Variants in EDA observed in about 807,000 individuals in gnomAD.
EDA encodes the protein ectodysplasin-A.
A neutral mutation model predicts 23.6 loss-of-function variants in EDA; 2 were observed. That is an observed-to-expected ratio of 0.08 (90% confidence interval 0.03 to 0.27). EDA has a LOEUF of 0.27. Ranked by LOEUF, EDA falls within the 10% of genes least tolerant of loss-of-function variation. EDA has a pLI of 1.00. For missense variants in EDA, 229 were observed against 324.2 expected (o/e 0.71, Z 2.26); for synonymous variants, 131 against 132.0 (o/e 0.99, Z 0.05).
intron 1 of EDA, among the ~76,000 whole-genome samples, chrX:69,791,955 A>G (rs1435246937): frequency 1.8e-5 from 2 of 112,197 alleles, no homozygotes; most frequent in East Asian, 5.6e-4. Context: ...ATTGTATTTT[A>G]AAAATTTTTC....
intron 2 of EDA, among the ~76,000 whole-genome samples, chrX:69,997,605 A>G (rs1188236943): frequency 1.8e-5 from 2 of 113,003 alleles, no homozygotes; most frequent in African/African-American, 6.4e-5. Flanking sequence ...TTAATCCCCA[A>G]GACAATGGGG....
At chrX:69,743,241 G>A (rs1813796636) in intron 1 of EDA, among the ~76,000 whole-genome samples, 1 of 111,575 alleles carries the variant, frequency 9.0e-6, no homozygotes, top group South Asian at 3.8e-4. Flanking sequence ...TGCCGCCGTT[G>A]CTACTACTAC....
chrX:69,782,964 A>G (rs1485303317), intron 1 of EDA, among the ~76,000 whole-genome samples: 2 of 111,564 alleles, frequency 1.8e-5, no homozygotes, highest in Non-Finnish European at 3.8e-5. Context: ...TCAACAAACT[A>G]TTTTCTATGG....
Position 69,616,192 on chromosome X carries a change from C to CACTGTCGCGCAG in EDA, c.-117_-116insACTGTCGCGCAG. ...CCGCCCAGCCACTGTCGCGCAGGAA[C>CACTGTCGCGCAG]GGGTCCCTGCAGCCCCCAGCCGATG... On this transcript the variant is annotated 5_prime_UTR_variant, in exon 1 of 8. Transcript: ENST00000374552. The CACTGTCGCGCAG allele has an allele frequency of 1.1e-6, 1 of 885,465 alleles. No homozygotes were observed. Among genetic ancestry groups the CACTGTCGCGCAG allele is most frequent in the East Asian group, 3.4e-5 (1 of 29,181 alleles). The allele number at this position is 885,465 out of a possible 1,213,427, so 73.0% of individuals were successfully genotyped here.
chrX:69,910,015 A>T (rs185029131), intron 1 of EDA, among the ~76,000 whole-genome samples: 1 of 111,941 alleles, frequency 8.9e-6, no homozygotes, highest in African/African-American at 3.2e-5. Flanking sequence ...TTTCTTCCAC[A>T]CAAGTGTTTG....
chrX:69,853,423 C>G (rs1279997471), intron 1 of EDA, among the ~76,000 whole-genome samples: 2 of 111,159 alleles, frequency 1.8e-5, no homozygotes, highest in Non-Finnish European at 3.8e-5. Context: ...AAAGGTCTAC[C>G]ATGTGTTTAA....
chrX:69,623,638 A>G (rs1359807222), intron 1 of EDA, among the ~76,000 whole-genome samples: 1 of 105,532 alleles, frequency 9.5e-6, no homozygotes, highest in Non-Finnish European at 2.0e-5. Context: ...TTTTCTCTCT[A>G]TACTTCATTC....
chrX:70,023,639 G>A (rs749580921), intron 3 of EDA, among the ~76,000 whole-genome samples: 86 of 100,283 alleles, frequency 8.6e-4, no homozygotes, highest in Middle Eastern at 0.012. Context: ...ACAGGCACTC[G>A]CTTTTATCCT....
chrX:69,733,091 G>T (rs1459538011), intron 1 of EDA, among the ~76,000 whole-genome samples: 3 of 108,917 alleles, frequency 2.8e-5, no homozygotes, highest in Non-Finnish European at 3.8e-5. Flanking sequence ...CTGTGCAGAA[G>T]CTCTTTAGTT....
intron 2 of EDA, among the ~76,000 whole-genome samples, chrX:69,982,208 G>A (rs926155629): frequency 1.8e-5 from 2 of 111,548 alleles, no homozygotes; most frequent in African/African-American, 6.5e-5. Context: ...GAGACTTAGA[G>A]CAGCTGCTAT....
At chrX:70,001,637 T>G (rs1159574211) in intron 2 of EDA, among the ~76,000 whole-genome samples, 3 of 112,667 alleles carry the variant, frequency 2.7e-5, no homozygotes, top group Non-Finnish European at 3.7e-5. Context: ...GGATGATAAA[T>G]TGCCAGTGTA....
rs150183509 is a variant in EDA at position 70,008,960 on chromosome X, A to G, written c.503-14258A>G. ...ATTGTCAATTCAATTTTTTTATTAC[A>G]TATAGGCCTACACAGATTACCTGTT... On this transcript the variant is annotated intron_variant, in intron 2 of 7. Coordinates refer to ENST00000374552, the MANE Select transcript of EDA (RefSeq NM_001399.5). 5.4e-4 allele frequency among the ~76,000 whole-genome samples: 60 copies of G among 111,991 alleles called. No individual in the cohort carries two copies. In the East Asian group the frequency reaches 0.016, roughly 30 times the overall value.
chrX:69,677,849 G>T (rs1324375658), intron 1 of EDA, among the ~76,000 whole-genome samples: 9 of 111,678 alleles, frequency 8.1e-5, no homozygotes, highest in Admixed American at 1.9e-4. Context: ...GTCAATTTTG[G>T]CTTTTGTTGC....
At position 69,834,119 on chromosome X, in the gene EDA, A is replaced by G. The variant is rs1455954557; in HGVS notation, c.397-122908A>G. On this transcript the variant is annotated intron_variant, in intron 1 of 7. Transcript: ENST00000374552. Reference sequence around the variant, plus strand: ...TTTCCAGCTTCATCCATGTCCCTACAAAGGACATGAACTCATCCAACTATG... The same window carrying G: ...TTTCCAGCTTCATCCATGTCCCTACGAAGGACATGAACTCATCCAACTATG... Among the ~76,000 whole-genome samples the G allele has an allele frequency of 1.0e-4, 11 of 110,319 alleles. No homozygotes were observed. The East Asian group carries it at 3.2e-3, about 32-fold the overall frequency.
chrX:69,999,542 G>A (rs1381792118), intron 2 of EDA, among the ~76,000 whole-genome samples: 4 of 107,757 alleles, frequency 3.7e-5, no homozygotes, highest in Non-Finnish European at 7.7e-5. Flanking sequence ...CTTCAACCCA[G>A]GAGGCAGAGG....
At position 69,925,567 on chromosome X, in the gene EDA, A is replaced by G. The variant is rs184047944; in HGVS notation, c.397-31460A>G. On this transcript the variant is annotated intron_variant, in intron 1 of 7. Coordinates refer to ENST00000374552, the MANE Select transcript of EDA (RefSeq NM_001399.5). ...ATTCAGTTTGCCAGTGTTTTTATTG[A>G]GGATTTTTGCATCAATATTCATCAG... is the stretch of plus-strand genomic sequence containing the variant. 1.5e-4 allele frequency among the ~76,000 whole-genome samples: 17 copies of G among 111,212 alleles called. No individual in the cohort carries two copies. The East Asian group carries it at 4.5e-3, about 30-fold the overall frequency.
At chrX:69,946,045 G>A (rs778582757) in intron 1 of EDA, among the ~76,000 whole-genome samples, 1 of 112,091 alleles carries the variant, frequency 8.9e-6, no homozygotes, top group Non-Finnish European at 1.9e-5. Context: ...TAATCTCACA[G>A]TGGCTTTGCT....
intron 1 of EDA, among the ~76,000 whole-genome samples, chrX:69,945,329 CTGTT>C (rs1423183106): frequency 1.8e-5 from 2 of 111,747 alleles, no homozygotes; most frequent in Non-Finnish European, 3.8e-5. Context: ...GGAGCTAAAA[CTGTT>C]TGGTTAGTTA....
At chrX:69,926,017 TA>T (rs1270716200) in intron 1 of EDA, among the ~76,000 whole-genome samples, 1 of 110,853 alleles carries the variant, frequency 9.0e-6, no homozygotes, top group Non-Finnish European at 1.9e-5. Flanking sequence ...TCCCCATTAT[TA>T]TTTTTTATTG....
Sources: gnomAD v4.1 joint callset for allele counts (sites outside exome capture counted in the v4.1 genomes callset) on GRCh38, gnomAD v4.1.1 for gene constraint, MANE v1.5 for transcripts, NCBI Gene and HGNC (gene_info 2026-07-23, HGNC 2026-07-21) for gene names.